The following PKD1L3 variants were observed in gnomAD, a reference collection of about 807,000 sequenced individuals.
PKD1L3 encodes polycystin-1-like protein 3.
A neutral mutation model predicts 184.1 loss-of-function variants in PKD1L3; 239 were observed. The observed-to-expected ratio is 1.30, with a 90% CI of 1.17 to 1.45. The LOEUF is 1.45. Ranked by LOEUF, PKD1L3 falls within the 40% of genes most tolerant of loss-of-function variation. PKD1L3 has a pLI of 0.00. For missense variants in PKD1L3, 2,660 were observed against 2,067.2 expected (o/e 1.29, Z -5.56); for synonymous variants, 996 against 778.8 (o/e 1.28, Z -4.64).
Position 71,969,865 on chromosome 16 carries a change from G to C in PKD1L3, c.2184+10C>G. ...TCATGGCAAATCTGTTGAAATCAAA[G>C]TCTCATTACCTTCTGCATATCTGCT... On this transcript the variant is annotated intron_variant, in intron 13 of 29. Transcript: ENST00000620267. 1 of 1,532,310 alleles carries C rather than the reference G, an allele frequency of 6.5e-7. No homozygotes were observed. The highest frequency in any genetic ancestry group is 2.5e-5 in the East Asian group (1 of 40,458). 94.9% of individuals were successfully genotyped at this position (1,532,310 alleles called of 1,614,324 possible). A position where few individuals can be genotyped will look rare whatever the true frequency, so the allele number is the denominator to read the frequency against.
intron 28 of PKD1L3, chr16:71,930,856 GC>G (rs1249868054): frequency 6.6e-6 from 1 of 152,124 alleles, no homozygotes; most frequent in Non-Finnish European, 1.5e-5. Context: ...TGCCACTAGG[GC>G]ACTGTTTAAA....
intron 4 of PKD1L3, among the ~76,000 whole-genome samples, chr16:71,987,086 G>A (rs920876022): frequency 7.3e-5 from 11 of 151,262 alleles, no homozygotes; most frequent in Admixed American, 5.9e-4. Context: ...CACCATGCCC[G>A]GCTAATTTTT....
At chr16:71,950,785 T>C (rs1005198192) in intron 19 of PKD1L3, among the ~76,000 whole-genome samples, 1 of 149,604 alleles carries the variant, frequency 6.7e-6, no homozygotes, top group African/African-American at 2.5e-5. Flanking sequence ...CCAGGCTGAG[T>C]GTAGTGGCAC....
At chr16:71,965,736 T>C (rs1384504881) in intron 15 of PKD1L3, among the ~76,000 whole-genome samples, 1 of 152,002 alleles carries the variant, frequency 6.6e-6, no homozygotes, top group Non-Finnish European at 1.5e-5. Flanking sequence ...GTATTTTTAG[T>C]AGAGACAGGG....
chr16:71,980,569 C>T (rs1012122435), intron 7 of PKD1L3, among the ~76,000 whole-genome samples: 1 of 152,156 alleles, frequency 6.6e-6, no homozygotes, highest in South Asian at 2.1e-4. Flanking sequence ...TGTGGTGGCT[C>T]ATACCTGTAA....
chr16:71,957,683 G>A (rs140052183), intron 16 of PKD1L3, among the ~76,000 whole-genome samples: 1 of 152,110 alleles, frequency 6.6e-6, no homozygotes, highest in African/African-American at 2.4e-5. Context: ...TGTATTTCTA[G>A]CTACTCGGGA....
chr16:71,961,577 TGTTGACAGCCACAGATGAGCTCTCA>T (rs2039281404), intron 16 of PKD1L3, among the ~76,000 whole-genome samples: 1 of 152,096 alleles, frequency 6.6e-6, no homozygotes, highest in Non-Finnish European at 1.5e-5. Context: ...ATAGGTGCTT[TGTTGACAGCCACAGATGAGCTCTCA>T]GTTGACAGCC....
intron 22 of PKD1L3, among the ~76,000 whole-genome samples, chr16:71,945,762 G>T (rs867133079): frequency 6.6e-6 from 1 of 152,050 alleles, no homozygotes; most frequent in Admixed American, 6.6e-5. Flanking sequence ...TGGGATCAGT[G>T]AAGAGTGAGC....
intron 15 of PKD1L3, among the ~76,000 whole-genome samples, chr16:71,963,942 G>C (rs944713229): frequency 1.3e-5 from 2 of 152,052 alleles, no homozygotes; most frequent in Non-Finnish European, 2.9e-5. Flanking sequence ...TGTGACAGTG[G>C]CTTGCCACCT....
intron 15 of PKD1L3, among the ~76,000 whole-genome samples, chr16:71,966,018 C>T (rs2039489836): frequency 6.6e-6 from 1 of 151,914 alleles, no homozygotes. Context: ...TTTGTGCATA[C>T]TGGAACAGAA....
intron 25 of PKD1L3, among the ~76,000 whole-genome samples, chr16:71,936,522 T>TTTC (rs890408228): frequency 3.5e-5 from 5 of 144,890 alleles, no homozygotes; most frequent in African/African-American, 1.3e-4. Context: ...TTTTTTTCTT[T>TTTC]TTTTTTTTTT....
intron 4 of PKD1L3, among the ~76,000 whole-genome samples, chr16:71,987,168 C>T (rs868088326): frequency 1.3e-5 from 2 of 151,342 alleles, no homozygotes; most frequent in African/African-American, 4.9e-5. Context: ...TGTGATCCAC[C>T]CACCTTGGCC....
At position 71,954,222 on chromosome 16, in the gene PKD1L3, T is replaced by G. The variant is rs561344649; in HGVS notation, c.2692A>C (p.Asn898His). The change falls in exon 17 of 30, where the codon AAC (asparagine) becomes CAC (histidine). Residue 898 changes from asparagine (N) to histidine (H), a missense_variant. By Grantham distance (68) the Asn-to-His change is moderately conservative (BLOSUM62 1). Coordinates refer to ENST00000620267, the MANE Select transcript of PKD1L3 (RefSeq NM_181536.2). ...WLSIATRHPW[N>H]QFTRVQRLSC... Reference sequence around the variant, plus strand: ...AGCCGTTGGACCCTTGTAAACTGGTTCCAGGGATGCCGAGTTGCAATTGAA... The same window carrying G: ...AGCCGTTGGACCCTTGTAAACTGGTGCCAGGGATGCCGAGTTGCAATTGAA... The G allele has an allele frequency of 6.4e-7, 1 of 1,551,412 alleles. No individual in the cohort carries two copies. The highest frequency in any genetic ancestry group is 8.7e-7 in the Non-Finnish European group (1 of 1,146,774).
In PKD1L3 at chr16:71,935,532, GCA is replaced by G. The variant is rs1354524700; in HGVS notation, c.4453-16_4453-15del. The G allele has an allele frequency of 6.5e-7, 1 of 1,550,022 alleles. No homozygotes were observed. Among genetic ancestry groups the G allele is most frequent in the Non-Finnish European group, 8.7e-7 (1 of 1,145,672 alleles). ...CAGCTGACAACCCTAAACATAGACA[GCA>G]CAGTCACTGTTGCTTGTCTGAGAGA... is the stretch of plus-strand genomic sequence containing the variant. On this transcript the variant is annotated splice_polypyrimidine_tract_variant and intron_variant, in intron 25 of 29. Transcript: ENST00000620267.
Position 71,943,553 on chromosome 16 carries a change from A to AC in PKD1L3, c.3859+476_3859+477insG, listed in dbSNP as rs1203461055. Among the ~76,000 whole-genome samples the AC allele has an allele frequency of 1.5e-4, 23 of 151,830 alleles. No individual in the cohort carries two copies. The East Asian group carries it at 2.3e-3, about 15-fold the overall frequency. On this transcript the variant is annotated intron_variant, in intron 23 of 29. Transcript: ENST00000620267. ...ACTCCGTCTCAAAAAAAAAAAAAAA[A>AC]AAAAACATAAAATCCCGCACAAGAA...
chr16:71,951,477 CG>C, intron 19 of PKD1L3, 86 bp downstream of exon 19: 1 of 1,329,744 alleles, frequency 7.5e-7, no homozygotes, highest in East Asian at 2.5e-5. Flanking sequence ...TCAGGCCTGT[CG>C]GTTATGAATG....
intron 15 of PKD1L3, among the ~76,000 whole-genome samples, chr16:71,964,695 A>C (rs1010717008): frequency 6.6e-6 from 1 of 151,716 alleles, no homozygotes; most frequent in Admixed American, 6.6e-5. Flanking sequence ...TATCACCCCC[A>C]AAAGCTCCCT....
chr16:71,929,872 A>G (rs966267243), intron 29 of PKD1L3, 180 bp downstream of exon 29: 110 of 983,190 alleles, frequency 1.1e-4, no homozygotes, highest in Admixed American at 3.0e-4. Context: ...TGGCTATAGA[A>G]TATTATGTAG....
intron 11 of PKD1L3, among the ~76,000 whole-genome samples, chr16:71,974,456 G>A (rs907710604): frequency 7.9e-5 from 12 of 152,316 alleles, no homozygotes; most frequent in South Asian, 2.1e-4. Context: ...AAGGCAGGAG[G>A]ATTATTTGAG....
Sources: allele counts gnomAD v4.1 joint callset (sites outside exome capture counted in the v4.1 genomes callset), GRCh38; gene constraint gnomAD v4.1.1; transcripts MANE v1.5; gene names NCBI Gene and HGNC (gene_info 2026-07-23, HGNC 2026-07-21).